The following CSDE1 variants were observed in gnomAD, a reference collection of about 807,000 sequenced individuals.
CSDE1 encodes the protein cold shock domain containing E1.
In CSDE1, 17 loss-of-function variants were observed where a neutral mutation model predicts 89.3. The observed-to-expected ratio is 0.19, with a 90% confidence interval of 0.13 to 0.29. The LOEUF (loss-of-function observed/expected upper bound fraction) is 0.29, where lower values mean the gene tolerates loss of function less well. CSDE1 is among the 10% of genes least tolerant of loss of function. The pLI, the probability that CSDE1 is intolerant of heterozygous loss-of-function variation, is 1.00. For missense variants in CSDE1, 672 were observed against 984.2 expected (o/e 0.68, Z 4.24); for synonymous variants, 322 against 332.8 (o/e 0.97, Z 0.35).
At chr1:114,722,900 T>C (rs1659602344) in intron 16 of CSDE1, among the ~76,000 whole-genome samples, 1 of 152,234 alleles carries the variant, frequency 6.6e-6, no homozygotes, top group Admixed American at 6.5e-5. Flanking sequence ...TTATCAAGGT[T>C]CATTTCCTTC....
intron 3 of CSDE1, among the ~76,000 whole-genome samples, chr1:114,738,462 C>A (rs953773620): frequency 6.6e-6 from 1 of 151,734 alleles, no homozygotes; most frequent in African/African-American, 2.4e-5. Flanking sequence ...TTTTTAAACT[C>A]CTCTGTACCT....
At chr1:114,752,573 C>T (rs1661365301) in intron 1 of CSDE1, among the ~76,000 whole-genome samples, 1 of 152,156 alleles carries the variant, frequency 6.6e-6, no homozygotes, top group African/African-American at 2.4e-5. Flanking sequence ...CTACTGTGTT[C>T]CAGTTCTACC....
At chr1:114,755,946 C>G (rs947546548) in intron 1 of CSDE1, among the ~76,000 whole-genome samples, 4 of 152,182 alleles carry the variant, frequency 2.6e-5, no homozygotes, top group Non-Finnish European at 5.9e-5. Flanking sequence ...AACACTGGAA[C>G]ACTAAATTTC....
chr1:114,755,766 CAA>C (rs772803298), intron 1 of CSDE1, among the ~76,000 whole-genome samples: 3 of 152,154 alleles, frequency 2.0e-5, no homozygotes, highest in Non-Finnish European at 4.4e-5. Context: ...GTTTACTTAA[CAA>C]GATCAAGATT....
At position 114,734,410 on chromosome 1, in the gene CSDE1, GA is replaced by G. The variant is rs759962464; in HGVS notation, c.582+31del. The G allele has an allele frequency of 2.5e-6, 4 of 1,585,948 alleles. No homozygotes were observed. The East Asian group carries it at 9.0e-5, about 36-fold the overall frequency. ...AAGTACAACATTTCAAGTGGCCAAAGAAAACTCAAGTTTCTCAAATTTAACA... is the reference window on the plus strand; with the variant it reads ...AAGTACAACATTTCAAGTGGCCAAAGAAACTCAAGTTTCTCAAATTTAACA... On this transcript the variant is annotated intron_variant, in intron 7 of 19. Transcript: ENST00000358528.
intron 7 of CSDE1, 34 bp from the exon 8 acceptor site, chr1:114,734,151 C>A (rs1397962096): frequency 1.3e-6 from 2 of 1,589,080 alleles, no homozygotes; most frequent in Non-Finnish European, 1.7e-6. Context: ...AACATTATTA[C>A]CACTCTGTAC....
chr1:114,741,982 CTA>C (rs796780850), intron 2 of CSDE1, among the ~76,000 whole-genome samples: 101 of 152,284 alleles, frequency 6.6e-4, no homozygotes, highest in African/African-American at 2.4e-3. Flanking sequence ...TTTTTAGTCA[CTA>C]GTCTCCCTAG....
chr1:114,732,151 T>C (rs1187195871), intron 10 of CSDE1, among the ~76,000 whole-genome samples: 1 of 152,058 alleles, frequency 6.6e-6, no homozygotes, highest in Non-Finnish European at 1.5e-5. Flanking sequence ...ATCATTGCTG[T>C]TAGTGTATTT....
At position 114,727,016 on chromosome 1, in the gene CSDE1, C is replaced by A. The variant is rs1217009827; in HGVS notation, c.1431G>T (p.Val477=). The change falls in exon 13 of 20, where the codon GTG becomes GTT. Residue 477 remains valine, a synonymous_variant. Transcript: ENST00000358528. The part of the protein sequence containing the change: ...KLTIAFQAKD[V]EGSTSPQIGD... ...CTATTTGAGGAGAAGTAGATCCTTC[C>A]ACATCCTTGGCTTGAAAAGCAATAG... 1 of 1,613,650 alleles carries A rather than the reference C, an allele frequency of 6.2e-7. No individual in the cohort carries two copies. The highest frequency in any genetic ancestry group is 1.1e-5 in the South Asian group (1 of 91,068).
chr1:114,753,362 G>A (rs1661410054), intron 1 of CSDE1, among the ~76,000 whole-genome samples: 1 of 152,146 alleles, frequency 6.6e-6, no homozygotes, highest in African/African-American at 2.4e-5. Flanking sequence ...AAGCTCAAAC[G>A]AACCCACCAA....
intron 6 of CSDE1, 21 bp from the exon 7 acceptor site, chr1:114,734,544 G>A: frequency 6.3e-7 from 1 of 1,593,668 alleles, no homozygotes; most frequent in South Asian, 1.1e-5. Context: ...AATAATTGCA[G>A]GGAGGAGGAA....
intron 10 of CSDE1, among the ~76,000 whole-genome samples, chr1:114,732,264 A>C (rs1477150454): frequency 1.3e-5 from 2 of 152,184 alleles, no homozygotes; most frequent in African/African-American, 4.8e-5. Flanking sequence ...ACCACTAATT[A>C]AATGTCTTAG....
chr1:114,742,943 C>T (rs1272313008), intron 2 of CSDE1, among the ~76,000 whole-genome samples: 1 of 152,186 alleles, frequency 6.6e-6, no homozygotes, highest in Non-Finnish European at 1.5e-5. Flanking sequence ...TTTATAATAT[C>T]CCTCACTTCA....
chr1:114,719,549 T>C, intron 18 of CSDE1, 30 bp downstream of exon 18: 1 of 1,605,974 alleles, frequency 6.2e-7, no homozygotes, highest in Non-Finnish European at 8.5e-7. Context: ...CCAGGGTAGT[T>C]ACTAATCAAA....
intron 2 of CSDE1, chr1:114,741,816 C>A: frequency 3.4e-6 from 2 of 589,090 alleles, no homozygotes; most frequent in South Asian, 4.4e-5. Context: ...ATTAACATTA[C>A]TATAAAAGGT....
chr1:114,719,875 G>T, intron 17 of CSDE1, 133 bp from the exon 18 acceptor site: 1 of 783,312 alleles, frequency 1.3e-6, no homozygotes, highest in Non-Finnish European at 2.0e-6. Context: ...AGCTGCCTGT[G>T]GCAAAACCTG....
chr1:114,721,968 G>A (rs537853792), intron 16 of CSDE1, among the ~76,000 whole-genome samples: 76 of 149,638 alleles, frequency 5.1e-4, no homozygotes, highest in African/African-American at 1.8e-3. Context: ...TGCAACTTCC[G>A]CCTCCCAGGT....
chr1:114,739,651 T>C, intron 3 of CSDE1, 41 bp downstream of exon 3: 2 of 1,547,574 alleles, frequency 1.3e-6, no homozygotes, highest in Non-Finnish European at 1.8e-6. Context: ...GCAAGACAAA[T>C]TTTGTGATTA....
intron 2 of CSDE1, among the ~76,000 whole-genome samples, chr1:114,747,361 G>A (rs1432984217): frequency 2.0e-5 from 3 of 152,096 alleles, no homozygotes. Flanking sequence ...TACAACCACA[G>A]CCATGTTTTA....
Sources: gnomAD v4.1 joint callset for allele counts (sites outside exome capture counted in the v4.1 genomes callset) on GRCh38, gnomAD v4.1.1 for gene constraint, MANE v1.5 for transcripts, NCBI Gene and HGNC (gene_info 2026-07-23, HGNC 2026-07-21) for gene names.